MROH9: variants seen among roughly 807,000 people sequenced by gnomAD.
MROH9 encodes maestro heat like repeat family member 9.
A neutral mutation model predicts 98.2 loss-of-function variants in MROH9; 92 were observed. The observed-to-expected ratio is 0.94, with a 90% CI of 0.79 to 1.11. The LOEUF (loss-of-function observed/expected upper bound fraction) is 1.11. MROH9 is among the 50% of genes most tolerant of loss of function. The pLI is 0.00. For missense variants in MROH9, 1,057 were observed against 1,014.8 expected, an observed-to-expected ratio of 1.04 and a Z score of -0.57; for synonymous variants, 397 against 368.9, an observed-to-expected ratio of 1.08 and a Z score of -0.87.
chr1:171,015,975 A>G (rs1652308920), intron 16 of MROH9, among the ~76,000 whole-genome samples, 188 bp from the exon 17 acceptor site: 1 of 152,190 alleles, frequency 6.6e-6, no homozygotes, highest in South Asian at 2.1e-4. Flanking sequence ...TTAAATTTAT[A>G]TAATTTAATT....
At chr1:170,943,932 C>A (rs2101867813) in intron 1 of MROH9, among the ~76,000 whole-genome samples, 1 of 151,834 alleles carries the variant, frequency 6.6e-6, no homozygotes, top group East Asian at 1.9e-4. Flanking sequence ...AGGGCTAAGA[C>A]ATAAAGGAAG....
At chr1:170,964,279 T>C (rs1331859474) in intron 6 of MROH9, among the ~76,000 whole-genome samples, 1 of 152,070 alleles carries the variant, frequency 6.6e-6, no homozygotes, top group Admixed American at 6.6e-5. Flanking sequence ...CACTTTGTTC[T>C]TATACCTACC....
intron 15 of MROH9, among the ~76,000 whole-genome samples, chr1:170,999,317 C>T (rs898270261): frequency 2.0e-5 from 3 of 151,964 alleles, no homozygotes; most frequent in Non-Finnish European, 2.9e-5. Flanking sequence ...TCAGCTCTCT[C>T]CCACTCTTTC....
intron 15 of MROH9, among the ~76,000 whole-genome samples, chr1:171,006,453 CTCTA>C (rs1468255845): frequency 6.6e-6 from 1 of 151,992 alleles, no homozygotes; most frequent in African/African-American, 2.4e-5. Flanking sequence ...GATGTTCTCT[CTCTA>C]TCTTTCTCTC....
intron 1 of MROH9, among the ~76,000 whole-genome samples, chr1:170,937,512 AG>A (rs1260246932): frequency 6.8e-6 from 1 of 146,784 alleles, no homozygotes; most frequent in Admixed American, 7.2e-5. Context: ...CATCATAATC[AG>A]TATTTTTTTT....
intron 20 of MROH9, among the ~76,000 whole-genome samples, chr1:171,029,419 A>G (rs2101847137): frequency 6.6e-6 from 1 of 152,176 alleles, no homozygotes; most frequent in Middle Eastern, 3.4e-3. Context: ...CATGTTGTTC[A>G]GGCTGGTCTC....
intron 20 of MROH9, among the ~76,000 whole-genome samples, chr1:171,045,100 C>T (rs1455179293): frequency 3.4e-5 from 5 of 145,256 alleles, no homozygotes; most frequent in East Asian, 2.2e-4. Context: ...CTCCTGGATT[C>T]ACGCCATTCT....
intron 20 of MROH9, among the ~76,000 whole-genome samples, chr1:171,033,169 C>G (rs1652983311): frequency 6.6e-6 from 1 of 152,242 alleles, no homozygotes; most frequent in Non-Finnish European, 1.5e-5. Flanking sequence ...GAAATGGGTG[C>G]CACCCTTCCC....
At position 171,024,377 on chromosome 1, in the gene MROH9, G is replaced by A. The variant is rs1652633172; in HGVS notation, c.1909-18G>A. 1 of 1,549,182 alleles carries A rather than the reference G, an allele frequency of 6.5e-7. No homozygotes were observed. Among genetic ancestry groups the A allele is most frequent in the Non-Finnish European group, 8.7e-7 (1 of 1,145,892 alleles). On this transcript the variant is annotated intron_variant, in intron 17 of 21. Transcript: ENST00000367759. ...AAGCCCTAATATTATCCTCAAATAA[G>A]GCCTTTGTCTTTTACAGATTAATGG... is the stretch of plus-strand genomic sequence containing the variant.
intron 20 of MROH9, among the ~76,000 whole-genome samples, chr1:171,037,519 A>G (rs1468381194): frequency 1.3e-5 from 2 of 152,070 alleles, no homozygotes; most frequent in Non-Finnish European, 2.9e-5. Context: ...AAATTTTAAA[A>G]GTGTCAATTT....
chr1:170,998,808 T>C (rs1368367369), intron 15 of MROH9: 4 of 912,342 alleles, frequency 4.4e-6, no homozygotes, highest in African/African-American at 3.6e-5. Flanking sequence ...AACCTGAAAT[T>C]ATCAAATCTA....
intron 6 of MROH9, among the ~76,000 whole-genome samples, chr1:170,964,301 C>T (rs2101895996): frequency 6.6e-6 from 1 of 152,186 alleles, no homozygotes; most frequent in East Asian, 1.9e-4. Context: ...TGCCTAAAAG[C>T]TTCCCTGCTT....
chr1:170,992,484 C>T (rs1651397173), intron 12 of MROH9, among the ~76,000 whole-genome samples, 155 bp downstream of exon 12: 1 of 152,168 alleles, frequency 6.6e-6, no homozygotes, highest in Admixed American at 6.5e-5. Flanking sequence ...CTATTATTTG[C>T]TATGCCCTAT....
intron 1 of MROH9, among the ~76,000 whole-genome samples, chr1:170,940,146 GCTT>G (rs1184909201): frequency 6.6e-6 from 1 of 152,144 alleles, no homozygotes; most frequent in African/African-American, 2.4e-5. Flanking sequence ...TGGGCATTCT[GCTT>G]CTTTTTTGGC....
chr1:170,973,660 G>C (rs1650567328), intron 8 of MROH9, among the ~76,000 whole-genome samples: 2 of 152,182 alleles, frequency 1.3e-5, no homozygotes, highest in African/African-American at 4.8e-5. Flanking sequence ...CAGATCACCT[G>C]AGGTCAAGAG....
At chr1:171,040,438 A>G (rs1275723836) in intron 20 of MROH9, among the ~76,000 whole-genome samples, 1 of 152,154 alleles carries the variant, frequency 6.6e-6, no homozygotes, top group Non-Finnish European at 1.5e-5. Context: ...CAAAAAGGGT[A>G]ACTATGTGAG....
At chr1:170,948,925 A>T (rs1451033485) in intron 3 of MROH9, among the ~76,000 whole-genome samples, 1 of 152,106 alleles carries the variant, frequency 6.6e-6, no homozygotes, top group African/African-American at 2.4e-5. Context: ...CAGGAAGCAG[A>T]TTCTAAAATA....
At chr1:170,945,690 T>C (rs1649303580) in intron 2 of MROH9, 109 bp downstream of exon 2, 1 of 936,162 alleles carries the variant, frequency 1.1e-6, no homozygotes, top group Non-Finnish European at 1.5e-6. Flanking sequence ...GTAACCATGA[T>C]AACAAAGAAT....
intron 9 of MROH9, 55 bp from the exon 10 acceptor site, chr1:170,986,506 G>A (rs778948974): frequency 6.4e-7 from 1 of 1,569,314 alleles, no homozygotes; most frequent in Non-Finnish European, 8.6e-7. Context: ...GAGTTTAGCT[G>A]TCTTATGTTG....
Sources: allele counts gnomAD v4.1 joint callset (sites outside exome capture counted in the v4.1 genomes callset), GRCh38; gene constraint gnomAD v4.1.1; transcripts MANE v1.5; gene names NCBI Gene and HGNC (gene_info 2026-07-23, HGNC 2026-07-21).